Variants in ASIC2 observed in about 807,000 individuals in gnomAD.
ASIC2 encodes acid sensing ion channel subunit 2.
ASIC2 carries 25 observed loss-of-function variants against 57.3 expected under a neutral mutation model. The observed-to-expected ratio is 0.44, with a 90% CI of 0.32 to 0.61. The LOEUF (loss-of-function observed/expected upper bound fraction) is 0.61, where lower values mean the gene tolerates loss of function less well. Ranked by LOEUF, ASIC2 falls within the 20% of genes least tolerant of loss-of-function variation. The pLI is 0.06. For missense variants in ASIC2, 641 were observed against 738.1 expected (o/e 0.87, Z 1.52); for synonymous variants, 319 against 307.5 (o/e 1.04, Z -0.39).
At chr17:33,579,567 C>T (rs1916821057) in intron 1 of ASIC2, among the ~76,000 whole-genome samples, 1 of 152,176 alleles carries the variant, frequency 6.6e-6, no homozygotes, top group Non-Finnish European at 1.5e-5. Context: ...GCAGACCCTA[C>T]TGGTGAGTGT....
At chr17:33,027,875 C>T (rs1166616902) in intron 4 of ASIC2, among the ~76,000 whole-genome samples, 1 of 152,254 alleles carries the variant, frequency 6.6e-6, no homozygotes, top group Non-Finnish European at 1.5e-5. Context: ...AAAAGTGAAA[C>T]ATCTGGATGA....
intron 1 of ASIC2, among the ~76,000 whole-genome samples, chr17:33,492,960 G>C (rs918895944): frequency 2.0e-5 from 3 of 152,224 alleles, no homozygotes; most frequent in Non-Finnish European, 4.4e-5. Flanking sequence ...GCCACAGGCA[G>C]CTGAAATCTC....
chr17:34,038,958 C>T (rs1907994435), intron 1 of ASIC2: 2 of 1,613,594 alleles, frequency 1.2e-6, no homozygotes, highest in South Asian at 1.1e-5. Flanking sequence ...GTAAATTTGG[C>T]TCCGTGTCGG....
At chr17:33,769,065 G>A (rs1911018818) in intron 1 of ASIC2, among the ~76,000 whole-genome samples, 1 of 152,154 alleles carries the variant, frequency 6.6e-6, no homozygotes, top group Non-Finnish European at 1.5e-5. Context: ...TTGGATACTG[G>A]ACAAAAGCTC....
chr17:33,631,099 G>A (rs900693603), intron 1 of ASIC2, among the ~76,000 whole-genome samples: 1 of 152,152 alleles, frequency 6.6e-6, no homozygotes, highest in African/African-American at 2.4e-5. Context: ...TCTGTGGATG[G>A]GGCCCAAGAA....
intron 1 of ASIC2, among the ~76,000 whole-genome samples, chr17:33,123,113 C>T (rs2092309536): frequency 1.3e-5 from 2 of 152,218 alleles, no homozygotes; most frequent in East Asian, 1.9e-4. Context: ...ATAGAATTAC[C>T]ATATGATCCA....
chr17:33,349,972 C>A lies in ASIC2; in HGVS notation c.556-237905G>T, dbSNP rs769123826. 2.0e-5 allele frequency among the ~76,000 whole-genome samples: 3 copies of A among 152,074 alleles called. No individual in the cohort carries two copies. The East Asian group carries it at 5.8e-4, about 29-fold the overall frequency. ...TATCTATTCATTAAGCTAATGTGTT[C>A]TGGGAATTGGAACTTCTTTTATTCT... On this transcript the variant is annotated intron_variant, in intron 1 of 9. Coordinates refer to the ASIC2 transcript ENST00000359872.
At position 33,292,456 on chromosome 17, in the gene ASIC2, C is replaced by T. The variant is rs995306683; in HGVS notation, c.-341G>A. ...AGGGGTCCCACTGGGAGCCGCCTCTCCAGTCCCTGGGTGCTGCGCCCGCCT... is the reference window on the plus strand; with the variant it reads ...AGGGGTCCCACTGGGAGCCGCCTCTTCAGTCCCTGGGTGCTGCGCCCGCCT... On this transcript the variant is annotated 5_prime_UTR_variant, in exon 1 of 10. Transcript: ENST00000225823. 1 of 985,586 alleles carries T rather than the reference C, an allele frequency of 1.0e-6. No homozygotes were observed. The highest frequency in any genetic ancestry group is 1.2e-6 in the Non-Finnish European group (1 of 830,116). The allele number at this position is 985,586 out of a possible 1,614,324, so 61.1% of individuals were successfully genotyped here.
At chr17:33,454,560 C>T (rs73986668) in intron 1 of ASIC2, among the ~76,000 whole-genome samples, 6,798 of 152,248 alleles carry the variant, frequency 0.045, 490 homozygotes, top group African/African-American at 0.15. Flanking sequence ...GGTTTGTAGG[C>T]AAATAACCTT....
At chr17:33,427,912 T>C (rs1156416339) in intron 1 of ASIC2, among the ~76,000 whole-genome samples, 2 of 152,248 alleles carry the variant, frequency 1.3e-5, no homozygotes, top group African/African-American at 4.8e-5. Context: ...GCTCTGTCTT[T>C]CTGTCTCTTT....
In ASIC2 at chr17:33,142,816, A is replaced by G. The variant is rs77388036; in HGVS notation, c.709-30749T>C. Among the ~76,000 whole-genome samples the G allele has an allele frequency of 2.3e-3, 343 of 152,322 alleles. 4 individuals are homozygous for G. In the East Asian group the frequency reaches 0.055, roughly 24 times the overall value. The stretch of plus-strand genomic sequence containing the variant: ...TAAGCTATTTATTATGTATTTGTCA[A>G]TGTTTCTAGATGTGGTGACCACCCT... On this transcript the variant is annotated intron_variant, in intron 1 of 9. Coordinates refer to ENST00000225823, the MANE Select transcript of ASIC2 (RefSeq NM_183377.2).
upstream of ASIC2, among the ~76,000 whole-genome samples, chr17:33,294,347 A>G (rs1378967599): frequency 6.6e-6 from 1 of 152,134 alleles, no homozygotes; most frequent in Non-Finnish European, 1.5e-5. Context: ...TTGGGGAAGC[A>G]GAGATTTGGG....
At chr17:33,217,491 C>A (rs1039393948) in intron 1 of ASIC2, among the ~76,000 whole-genome samples, 2 of 152,206 alleles carry the variant, frequency 1.3e-5, no homozygotes, top group African/African-American at 4.8e-5. Flanking sequence ...TATGGCTGAG[C>A]GAGCCCGGAG....
intron 1 of ASIC2, among the ~76,000 whole-genome samples, chr17:33,339,425 A>C (rs1307894231): frequency 6.6e-6 from 1 of 152,212 alleles, no homozygotes. Context: ...GCTGTGTTCT[A>C]ATAAAGCTTT....
intron 1 of ASIC2, among the ~76,000 whole-genome samples, chr17:33,204,759 T>C (rs528945646): frequency 2.2e-4 from 33 of 152,336 alleles, no homozygotes; most frequent in African/African-American, 7.7e-4. Flanking sequence ...ACATGTCCAC[T>C]ATTAGAGAAG....
At chr17:33,247,802 C>T (rs547228615) in intron 1 of ASIC2, among the ~76,000 whole-genome samples, 35 of 152,144 alleles carry the variant, frequency 2.3e-4, no homozygotes, top group Non-Finnish European at 4.7e-4. Flanking sequence ...TGCATGCACT[C>T]ATTTTTCTGA....
At chr17:33,036,397 A>G (rs1342461317) in intron 3 of ASIC2, among the ~76,000 whole-genome samples, 1 of 152,078 alleles carries the variant, frequency 6.6e-6, no homozygotes, top group Non-Finnish European at 1.5e-5. Flanking sequence ...GGGATGGAGA[A>G]ACCCTCCATG....
chr17:33,855,031 T>C (rs1418630956), intron 1 of ASIC2, among the ~76,000 whole-genome samples: 2 of 152,080 alleles, frequency 1.3e-5, no homozygotes, highest in African/African-American at 4.8e-5. Flanking sequence ...GCTTTCCTTC[T>C]GAGATGGGGG....
At chr17:33,743,263 T>C (rs757342667) in intron 1 of ASIC2, among the ~76,000 whole-genome samples, 3 of 152,244 alleles carry the variant, frequency 2.0e-5, no homozygotes, top group Non-Finnish European at 4.4e-5. Flanking sequence ...AAAAATCTAC[T>C]ATAATGTGGT....
Sources: allele counts gnomAD v4.1 joint callset (sites outside exome capture counted in the v4.1 genomes callset), GRCh38; gene constraint gnomAD v4.1.1; transcripts MANE v1.5; gene names NCBI Gene and HGNC (gene_info 2026-07-23, HGNC 2026-07-21).